The following ERGIC1 variants were observed in gnomAD, a reference collection of about 807,000 sequenced individuals.
ERGIC1 encodes the protein endoplasmic reticulum-Golgi intermediate compartment protein 1.
Under a neutral mutation model 38.3 loss-of-function variants are expected in ERGIC1, and 19 were observed. The ratio of observed to expected loss-of-function variants is 0.50; its 90% CI spans 0.35 to 0.73. The LOEUF is 0.73. Among genes scored for constraint, ERGIC1 ranks in the 30% least tolerant of loss-of-function variants. The pLI, the probability that ERGIC1 is intolerant of heterozygous loss-of-function variation, is 0.01. For synonymous variants in ERGIC1, 124 were observed against 157.6 expected (o/e 0.79, Z 1.60); for missense variants, 294 against 389.2 (o/e 0.76, Z 2.06).
chr5:172,879,127 G>A (rs1008788083), intron 1 of ERGIC1, among the ~76,000 whole-genome samples: 8 of 152,206 alleles, frequency 5.3e-5, no homozygotes, highest in African/African-American at 1.4e-4. Flanking sequence ...AGAGTGATCC[G>A]AGATTCGTCT....
chr5:172,943,410 C>T (rs1260041777), intron 9 of ERGIC1, among the ~76,000 whole-genome samples: 1 of 152,090 alleles, frequency 6.6e-6, no homozygotes, highest in Non-Finnish European at 1.5e-5. Flanking sequence ...CCACCTCTGC[C>T]TCCTCCACGA....
intron 9 of ERGIC1, among the ~76,000 whole-genome samples, chr5:172,949,923 A>C (rs563435127): frequency 1.4e-4 from 22 of 152,294 alleles, no homozygotes; most frequent in African/African-American, 5.1e-4. Context: ...AATACAAAAA[A>C]TTAGCCAGGC....
intron 7 of ERGIC1, among the ~76,000 whole-genome samples, chr5:172,927,668 C>T (rs1454047502): frequency 6.6e-6 from 1 of 151,334 alleles, no homozygotes; most frequent in African/African-American, 2.4e-5. Flanking sequence ...CAACCTCAGC[C>T]TCCCGGGTTC....
chr5:172,859,671 G>A (rs142351152), intron 1 of ERGIC1, among the ~76,000 whole-genome samples: 71 of 152,308 alleles, frequency 4.7e-4, no homozygotes, highest in African/African-American at 1.6e-3. Context: ...GGAGCCCTCC[G>A]TAGCCCTCAC....
intron 1 of ERGIC1, among the ~76,000 whole-genome samples, chr5:172,870,721 G>A (rs1761982878): frequency 1.3e-5 from 2 of 152,192 alleles, no homozygotes; most frequent in South Asian, 4.1e-4. Flanking sequence ...AGGGGGAGCG[G>A]GGAGCAGAGC....
In ERGIC1 at chr5:172,906,298, T is replaced by A; in HGVS notation, c.156-3369T>A. On this transcript the variant is annotated intron_variant, in intron 3 of 9. Coordinates refer to ENST00000393784, the MANE Select transcript of ERGIC1 (RefSeq NM_001031711.3). ...GAGGCAGCCTGAGCTGTGGAAAGGC[T>A]GGGTTGAGATTCTAGCTCGGCCATT... is the stretch of plus-strand genomic sequence containing the variant. The A allele has an allele frequency of 7.8e-6, 3 of 386,644 alleles. 1 individual carries two copies. Among genetic ancestry groups the A allele is most frequent in the South Asian group, 5.7e-5 (3 of 53,086 alleles). 24.0% of individuals were successfully genotyped at this position (386,644 alleles called of 1,614,324 possible). A position where few individuals can be genotyped will look rare whatever the true frequency, so the allele number is the denominator to read the frequency against.
chr5:172,880,234 G>T (rs1241739698), intron 1 of ERGIC1, among the ~76,000 whole-genome samples: 2 of 151,958 alleles, frequency 1.3e-5, no homozygotes, highest in African/African-American at 4.8e-5. Flanking sequence ...ACAGGGTTTT[G>T]CCATGTTGGC....
chr5:172,919,990 G>A (rs1763468777), intron 5 of ERGIC1, among the ~76,000 whole-genome samples: 1 of 152,200 alleles, frequency 6.6e-6, no homozygotes, highest in African/African-American at 2.4e-5. Context: ...AGGCACAGGA[G>A]GTTAAGTGAC....
chr5:172,946,599 C>T (rs764106933), intron 9 of ERGIC1, among the ~76,000 whole-genome samples: 71 of 152,176 alleles, frequency 4.7e-4, no homozygotes, highest in Non-Finnish European at 7.8e-4. Context: ...GGTATGGTGA[C>T]CTTCTAAGAC....
At position 172,834,486 on chromosome 5, in the gene ERGIC1, C is replaced by A. The variant is rs35768025; in HGVS notation, c.20+53C>A. On this transcript the variant is annotated intron_variant, in intron 1 of 9. Coordinates refer to ENST00000393784, the MANE Select transcript of ERGIC1 (RefSeq NM_001031711.3). The surrounding 1 kb of genome is among the most constrained non-coding windows in gnomAD (Gnocchi z 4.1). ...GAGTTCCCTCAGCGGGCAGAGGGAG[C>A]GCCCCGGCACGCCGCGGACCCCTCC... The A allele has an allele frequency of 0.25, 319,448 of 1,273,418 alleles. 40,742 individuals carry two copies. Among genetic ancestry groups the A allele is most frequent in the East Asian group, 0.32 (10,096 of 31,692 alleles). 78.9% of individuals were successfully genotyped at this position (1,273,418 alleles called of 1,614,324 possible).
intron 2 of ERGIC1, among the ~76,000 whole-genome samples, chr5:172,893,233 C>T (rs894532378): frequency 6.7e-6 from 1 of 150,182 alleles, no homozygotes. Flanking sequence ...CTACAACCTC[C>T]GCCTCTCGGA....
At chr5:172,897,944 C>T (rs756151928) in intron 3 of ERGIC1, 1 of 413,612 alleles carries the variant, frequency 2.4e-6, no homozygotes, top group Non-Finnish European at 4.4e-6. Flanking sequence ...CTAGTAAACG[C>T]TCTGGGGTGT....
At chr5:172,862,159 T>G (rs1761720181) in intron 1 of ERGIC1, among the ~76,000 whole-genome samples, 1 of 151,120 alleles carries the variant, frequency 6.6e-6, no homozygotes, top group Admixed American at 6.6e-5. Context: ...ACCTGCTCAT[T>G]TTTATATTTT....
intron 1 of ERGIC1, among the ~76,000 whole-genome samples, chr5:172,856,077 TG>T (rs1761541874): frequency 6.6e-6 from 1 of 152,206 alleles, no homozygotes; most frequent in African/African-American, 2.4e-5. Flanking sequence ...ACTCAGTGTA[TG>T]GTCTCTTGGC....
At position 172,862,238 on chromosome 5, in the gene ERGIC1, G is replaced by T. The variant is rs185560362; in HGVS notation, c.21-26461G>T. On this transcript the variant is annotated intron_variant, in intron 1 of 9. Coordinates refer to ENST00000393784, the MANE Select transcript of ERGIC1 (RefSeq NM_001031711.3). ...CCTGACCTCAAATGATCTGCCCACC[G>T]CAGCCTTCCAAAGTGCTGGATTACA... Among the ~76,000 whole-genome samples, 617 of 127,508 alleles carry T rather than the reference G, an allele frequency of 4.8e-3. 5 individuals are homozygous for T. The highest frequency in any genetic ancestry group is 0.017 in the African/African-American group (586 of 33,982). 83.7% of individuals were successfully genotyped at this position (127,508 alleles called of 152,430 possible).
intron 4 of ERGIC1, chr5:172,914,435 G>A: frequency 1.8e-6 from 1 of 541,886 alleles, no homozygotes; most frequent in South Asian, 2.0e-5. Flanking sequence ...GCATCCAGAG[G>A]TTAAGTACCT....
chr5:172,936,653 C>T (rs1258973255), intron 9 of ERGIC1: 1 of 152,300 alleles, frequency 6.6e-6, no homozygotes, highest in Non-Finnish European at 1.5e-5. Flanking sequence ...CTCCCAGGGC[C>T]TTGTGGGACT....
At position 172,842,189 on chromosome 5, in the gene ERGIC1, A is replaced by G. The variant is rs1369770681; in HGVS notation, c.20+7756A>G. Among the ~76,000 whole-genome samples, 6 of 152,324 alleles carry G rather than the reference A, an allele frequency of 3.9e-5. No individual in the cohort carries two copies. The East Asian group carries it at 1.2e-3, about 29-fold the overall frequency. On this transcript the variant is annotated intron_variant, in intron 1 of 9. Transcript: ENST00000393784. Reference sequence around the variant, plus strand: ...CTCCCAAGTAGCTGGGATTACAGGCATGCACCATCAAGCCCAGCTAATTTT... The same window carrying G: ...CTCCCAAGTAGCTGGGATTACAGGCGTGCACCATCAAGCCCAGCTAATTTT...
chr5:172,872,912 C>A (rs531005846), intron 1 of ERGIC1, among the ~76,000 whole-genome samples: 2 of 152,248 alleles, frequency 1.3e-5, no homozygotes, highest in Non-Finnish European at 1.5e-5. Context: ...TCAAGGGACA[C>A]TTGGGGTCCC....
Sources: allele counts gnomAD v4.1 joint callset (sites outside exome capture counted in the v4.1 genomes callset), GRCh38; gene constraint gnomAD v4.1.1; non-coding constraint Gnocchi (gnomAD v3.1); transcripts MANE v1.5; gene names NCBI Gene and HGNC (gene_info 2026-07-23, HGNC 2026-07-21).